Variants in CTXND1 observed in about 807,000 individuals in gnomAD.
CTXND1 encodes cortexin domain-containing 1 protein.
At chr15:80,224,040 G>C (rs1893347796) in intron 1 of CTXND1, among the ~76,000 whole-genome samples, 1 of 152,080 alleles carries the variant, frequency 6.6e-6, no homozygotes, top group Non-Finnish European at 1.5e-5. Flanking sequence ...TTTCTCTTGG[G>C]ACACTCACTT....
Position 80,198,282 on chromosome 15 carries a change from C to A in CTXND1, c.*3488G>T, listed in dbSNP as rs7165803. 1 of 152,214 alleles carries A rather than the reference C, an allele frequency of 6.6e-6. No homozygotes were observed. The highest frequency in any genetic ancestry group is 1.5e-5 in the Non-Finnish European group (1 of 68,080). 9.4% of individuals were successfully genotyped at this position (152,214 alleles called of 1,614,324 possible). A position where few individuals can be genotyped will look rare whatever the true frequency, so the allele number is the denominator to read the frequency against. ...GCACAGTACAAGCAACAACTTAAAA[C>A]TGGCCACTAGGCACCATTGCCTGGA... On this transcript the variant is annotated 3_prime_UTR_variant, in exon 3 of 3. Coordinates refer to ENST00000560778, the MANE Select transcript of CTXND1 (RefSeq NM_001352888.2).
Position 80,196,246 on chromosome 15 carries a change from A to T in CTXND1, c.*5524T>A, listed in dbSNP as rs1330048322. On this transcript the variant is annotated 3_prime_UTR_variant, in exon 3 of 3. Transcript: ENST00000560778. ...CCTAGAGCACCTGCTATTCTTTCTG[A>T]TAATTTTACAGAGCTTCCAGGTGAG... is the stretch of plus-strand genomic sequence containing the variant. 1 of 152,144 alleles carries T rather than the reference A, an allele frequency of 6.6e-6. No individual in the cohort carries two copies. Among genetic ancestry groups the T allele is most frequent in the African/African-American group, 2.4e-5 (1 of 41,442 alleles). 9.4% of individuals were successfully genotyped at this position (152,144 alleles called of 1,614,324 possible). A position where few individuals can be genotyped will look rare whatever the true frequency, so the allele number is the denominator to read the frequency against.
At chr15:80,237,451 A>C (rs1034092337) in intron 1 of CTXND1, among the ~76,000 whole-genome samples, 9 of 152,082 alleles carry the variant, frequency 5.9e-5, no homozygotes, top group Non-Finnish European at 1.0e-4. Context: ...AGGAGATGGC[A>C]GCTCCATGTG....
At chr15:80,203,568 T>C (rs8026850) in intron 2 of CTXND1, 21 bp downstream of exon 2, 113,230 of 151,558 alleles carry the variant, frequency 0.75, 42,464 homozygotes, top group East Asian at 0.88. Context: ...TCAGCCCTCA[T>C]CACTCTCGGG....
chr15:80,221,172 G>A (rs1893313490), intron 1 of CTXND1, among the ~76,000 whole-genome samples: 1 of 151,816 alleles, frequency 6.6e-6, no homozygotes, highest in Admixed American at 6.6e-5. Context: ...GCCTCCCAAA[G>A]TGCTGGGATT....
rs1595909689 is a variant in CTXND1, at chr15:80,237,815, C to T, written c.-218+14192G>A. ...CCTGAGGTCAGGAGTTCGAGACCAG[C>T]CTGGCCAACATGGCAAAATCCCATC... On this transcript the variant is annotated intron_variant, in intron 1 of 2. Coordinates refer to ENST00000560778, the MANE Select transcript of CTXND1 (RefSeq NM_001352888.2). Among the ~76,000 whole-genome samples, 3 of 152,046 alleles carry T rather than the reference C, an allele frequency of 2.0e-5. No homozygotes were observed. The South Asian group carries it at 6.2e-4, about 32-fold the overall frequency.
At chr15:80,239,176 C>A (rs1024093769) in intron 1 of CTXND1, among the ~76,000 whole-genome samples, 1 of 152,220 alleles carries the variant, frequency 6.6e-6, no homozygotes, top group African/African-American at 2.4e-5. Flanking sequence ...CCCTTCCCAC[C>A]AGCTCTGGCT....
intron 1 of CTXND1, among the ~76,000 whole-genome samples, chr15:80,229,868 C>CAG (rs1338877943): frequency 6.8e-6 from 1 of 147,040 alleles, no homozygotes; most frequent in African/African-American, 2.4e-5. Context: ...TGGCCTCAAA[C>CAG]AGAGAGAGAT....
intron 1 of CTXND1, among the ~76,000 whole-genome samples, chr15:80,217,335 A>G (rs1423649482): frequency 6.6e-6 from 1 of 152,184 alleles, no homozygotes; most frequent in Non-Finnish European, 1.5e-5. Context: ...CCTACTTTGT[A>G]TACTATTTTC....
intron 1 of CTXND1, among the ~76,000 whole-genome samples, chr15:80,240,719 CTT>C (rs35122661): frequency 0.017 from 2,595 of 152,294 alleles, 81 homozygotes; most frequent in South Asian, 0.082. Flanking sequence ...ATTGGAGACA[CTT>C]TGTACAAGAC....
chr15:80,222,558 T>A (rs901522225), intron 1 of CTXND1, among the ~76,000 whole-genome samples: 2 of 152,206 alleles, frequency 1.3e-5, no homozygotes, highest in African/African-American at 2.4e-5. Flanking sequence ...TAGGTTTGTT[T>A]GAATTAAGAT....
chr15:80,214,490 AC>A (rs1893232349), intron 1 of CTXND1, among the ~76,000 whole-genome samples: 1 of 152,212 alleles, frequency 6.6e-6, no homozygotes, highest in Non-Finnish European at 1.5e-5. Flanking sequence ...AAACAAAACA[AC>A]AAACCAACAA....
At chr15:80,213,298 A>G (rs1440592644) in intron 1 of CTXND1, among the ~76,000 whole-genome samples, 1 of 152,234 alleles carries the variant, frequency 6.6e-6, no homozygotes, top group Non-Finnish European at 1.5e-5. Context: ...ATAGGCATGA[A>G]TCTTTGGGGG....
At chr15:80,240,517 C>A (rs55994844) in intron 1 of CTXND1, among the ~76,000 whole-genome samples, 20,962 of 152,188 alleles carry the variant, frequency 0.14, 1,798 homozygotes, top group Non-Finnish European at 0.19. Flanking sequence ...ACTCCCCCCC[C>A]ACCACCCAAC....
intron 1 of CTXND1, among the ~76,000 whole-genome samples, chr15:80,220,148 TCTA>T (rs1893298977): frequency 2.8e-5 from 1 of 35,860 alleles, no homozygotes; most frequent in African/African-American, 1.6e-4. Flanking sequence ...CTATCTATCA[TCTA>T]TCTATCTATC....
intron 1 of CTXND1, among the ~76,000 whole-genome samples, chr15:80,216,128 A>G (rs1000356874): frequency 6.6e-6 from 1 of 152,222 alleles, no homozygotes; most frequent in Non-Finnish European, 1.5e-5. Context: ...GTTTGTCTTT[A>G]TCTCATCTTT....
Position 80,201,488 on chromosome 15 carries a change from A to G in CTXND1, c.*282T>C. On this transcript the variant is annotated 3_prime_UTR_variant, in exon 3 of 3. Coordinates refer to ENST00000560778, the MANE Select transcript of CTXND1 (RefSeq NM_001352888.2). ...AACCTGGGAAGGTGACTACCCTATC[A>G]TCTCACAGGGACTCCCCACACTGGA... 2 of 313,450 alleles carry G rather than the reference A, an allele frequency of 6.4e-6. No individual in the cohort carries two copies. 19.4% of individuals were successfully genotyped at this position (313,450 alleles called of 1,614,324 possible).
At chr15:80,231,580 TC>T (rs1316077866) in intron 1 of CTXND1, among the ~76,000 whole-genome samples, 26 of 152,152 alleles carry the variant, frequency 1.7e-4, no homozygotes, top group Non-Finnish European at 3.7e-4. Flanking sequence ...AAATTTCTTC[TC>T]GAGAAAATAG....
chr15:80,244,174 C>T (rs1893602939), intron 1 of CTXND1, among the ~76,000 whole-genome samples: 1 of 152,222 alleles, frequency 6.6e-6, no homozygotes, highest in Non-Finnish European at 1.5e-5. Flanking sequence ...AAACTGTCTG[C>T]TTGTTTTCTG....
Sources: gnomAD v4.1 joint callset for allele counts (sites outside exome capture counted in the v4.1 genomes callset) on GRCh38, gnomAD v4.1.1 for gene constraint, MANE v1.5 for transcripts, NCBI Gene and HGNC (gene_info 2026-07-23, HGNC 2026-07-21) for gene names.